L3MBTL3: variants seen among roughly 807,000 people sequenced by gnomAD.
The protein encoded by L3MBTL3 is lethal(3)malignant brain tumor-like protein 3.
Under a neutral mutation model 102.3 loss-of-function variants are expected in L3MBTL3, and 27 were observed. That is an observed-to-expected ratio of 0.26 (90% CI 0.19 to 0.36). L3MBTL3 has a LOEUF of 0.36. Among genes scored for constraint, L3MBTL3 ranks in the 10% least tolerant of loss-of-function variants. The probability of loss-of-function intolerance (pLI) is 1.00; values close to 1 mark genes in which losing one functional copy is unlikely to be tolerated. For missense variants in L3MBTL3, 798 were observed against 955.3 expected (o/e 0.84, Z 2.17); for synonymous variants, 340 against 320.9 (o/e 1.06, Z -0.64).
At chr6:130,110,122 CAGGT>C (rs1348954373) in intron 19 of L3MBTL3, among the ~76,000 whole-genome samples, 1 of 152,124 alleles carries the variant, frequency 6.6e-6, no homozygotes, top group Non-Finnish European at 1.5e-5. Flanking sequence ...AGTTTGAAGT[CAGGT>C]AGTGTGATGC....
intron 2 of L3MBTL3, among the ~76,000 whole-genome samples, chr6:130,040,751 A>G (rs921282976): frequency 6.6e-6 from 1 of 152,252 alleles, no homozygotes; most frequent in Non-Finnish European, 1.5e-5. Context: ...TGAAAAAGGC[A>G]TTCCGTTAAA....
intron 12 of L3MBTL3, among the ~76,000 whole-genome samples, chr6:130,068,737 G>A (rs948072061): frequency 4.6e-5 from 7 of 152,184 alleles, no homozygotes; most frequent in Admixed American, 3.9e-4. Context: ...TTATATGGGA[G>A]TGCTGTTCAA....
intron 2 of L3MBTL3, among the ~76,000 whole-genome samples, chr6:130,038,758 A>C (rs1034329522): frequency 6.6e-6 from 1 of 152,082 alleles, no homozygotes; most frequent in Non-Finnish European, 1.5e-5. Context: ...TGCTGTGCAG[A>C]ATCGTTTTAG....
At chr6:130,063,616 C>T (rs777042108) in intron 10 of L3MBTL3, among the ~76,000 whole-genome samples, 2 of 152,126 alleles carry the variant, frequency 1.3e-5, no homozygotes, top group Non-Finnish European at 2.9e-5. Flanking sequence ...TTTAAAGACA[C>T]CTCATTTAAT....
chr6:130,120,941 C>T lies in L3MBTL3; in HGVS notation c.1949C>T (p.Thr650Ile). 2.5e-6 allele frequency: 4 copies of T among 1,611,152 alleles called. No homozygotes were observed. The highest frequency in any genetic ancestry group is 3.4e-6 in the Non-Finnish European group (4 of 1,177,752). ...GAGAGAACAGAAAGTGAAATGAGAA[C>T]ATCACATGAAGCCAGAGGTAGCCAT... ...FEERTESEMR[T>I]SHEARGAREE... Residue 650 changes from threonine (T) to isoleucine (I), a missense_variant, in exon 20 of 23, where the codon ACA (threonine) becomes ATA (isoleucine). Around this residue, in one of 4 missense-constraint regions of L3MBTL3, gnomAD observed 306 missense variants for 314.4 expected, o/e 0.97. Coordinates refer to ENST00000361794, the MANE Select transcript of L3MBTL3 (RefSeq NM_032438.4).
At chr6:130,091,475 A>G (rs964937390) in intron 16 of L3MBTL3, among the ~76,000 whole-genome samples, 1 of 152,130 alleles carries the variant, frequency 6.6e-6, no homozygotes, top group Non-Finnish European at 1.5e-5. Flanking sequence ...TAAAAAAAAC[A>G]TGGTCGATTC....
At chr6:130,066,536 T>A (rs1782272596) in intron 11 of L3MBTL3, 48 bp downstream of exon 11, 1 of 1,497,964 alleles carries the variant, frequency 6.7e-7, no homozygotes, top group Non-Finnish European at 9.2e-7. Context: ...AAAACTCATT[T>A]TCTTACATGC....
intron 2 of L3MBTL3, among the ~76,000 whole-genome samples, chr6:130,023,117 C>T (rs549840749): frequency 6.6e-6 from 1 of 152,108 alleles, no homozygotes; most frequent in East Asian, 1.9e-4. Flanking sequence ...CCTGCCCTCT[C>T]TGTCTTGAGT....
intron 1 of L3MBTL3, among the ~76,000 whole-genome samples, chr6:130,020,105 A>AGGGGTCGGGGCC (rs1778876952): frequency 6.9e-6 from 1 of 145,160 alleles, no homozygotes; most frequent in African/African-American, 2.6e-5. Flanking sequence ...GGAGGAAAAG[A>AGGGGTCGGGGCC]GGGGTCGGGG....
chr6:130,024,061 G>A (rs1379628693), intron 2 of L3MBTL3, among the ~76,000 whole-genome samples: 1 of 152,106 alleles, frequency 6.6e-6, no homozygotes, highest in Non-Finnish European at 1.5e-5. Context: ...GTAGGGTGAT[G>A]AAAGTAGAAG....
At chr6:130,064,034 C>T (rs941398600) in intron 10 of L3MBTL3, among the ~76,000 whole-genome samples, 1 of 152,162 alleles carries the variant, frequency 6.6e-6, no homozygotes. Flanking sequence ...TAGATGACTT[C>T]ACAAACGTGG....
chr6:130,056,005 G>A (rs1781484813), intron 8 of L3MBTL3, among the ~76,000 whole-genome samples: 1 of 146,016 alleles, frequency 6.8e-6, no homozygotes, highest in Non-Finnish European at 1.5e-5. Flanking sequence ...TCGGCTCACA[G>A]CAGCCTCCAC....
intron 1 of L3MBTL3, chr6:130,020,624 G>A (rs973659574): frequency 1.3e-4 from 20 of 152,100 alleles, no homozygotes; most frequent in African/African-American, 4.6e-4. Context: ...GCTTTCCAGG[G>A]CGCGGGGACC....
At chr6:130,024,878 C>T (rs916866552) in intron 2 of L3MBTL3, among the ~76,000 whole-genome samples, 4 of 152,146 alleles carry the variant, frequency 2.6e-5, no homozygotes, top group African/African-American at 9.7e-5. Flanking sequence ...AGGGCTCTAG[C>T]ACTCTTTGGA....
At chr6:130,019,961 C>CGGGCGT (rs1170634735) in intron 1 of L3MBTL3, among the ~76,000 whole-genome samples, 1 of 104,882 alleles carries the variant, frequency 9.5e-6, no homozygotes, top group East Asian at 3.2e-4. Context: ...GGCGCGGGCG[C>CGGGCGT]GGGCGTGTGT....
intron 20 of L3MBTL3, 139 bp downstream of exon 20, chr6:130,121,097 A>T (rs1786149386): frequency 1.6e-6 from 1 of 613,072 alleles, no homozygotes; most frequent in African/African-American, 1.9e-5. Context: ...TTTTAGGTTC[A>T]GGGATACATG....
intron 1 of L3MBTL3, among the ~76,000 whole-genome samples, chr6:130,019,986 G>T (rs1778854702): frequency 7.7e-6 from 1 of 129,402 alleles, no homozygotes; most frequent in South Asian, 2.7e-4. Context: ...AGGCGGCGGC[G>T]GCGGTCGCGG....
intron 16 of L3MBTL3, among the ~76,000 whole-genome samples, chr6:130,091,659 G>A (rs1784058221): frequency 6.6e-6 from 1 of 151,936 alleles, no homozygotes; most frequent in Non-Finnish European, 1.5e-5. Flanking sequence ...ATACACAACG[G>A]GATATTATTC....
intron 13 of L3MBTL3, among the ~76,000 whole-genome samples, chr6:130,075,192 CT>C (rs1475304858): frequency 2.0e-5 from 3 of 152,048 alleles, no homozygotes; most frequent in Admixed American, 1.3e-4. Flanking sequence ...ACACCACTGT[CT>C]TGAGTGCAGG....
Sources: allele counts gnomAD v4.1 joint callset (sites outside exome capture counted in the v4.1 genomes callset), GRCh38; gene constraint gnomAD v4.1.1; regional missense constraint gnomAD v4.1.1; transcripts MANE v1.5; gene names NCBI Gene and HGNC (gene_info 2026-07-23, HGNC 2026-07-21).